Variants in GET1 observed in about 807,000 individuals in gnomAD.
GET1 encodes the protein guided entry of tail-anchored proteins factor 1.
A neutral mutation model predicts 22.6 loss-of-function variants in GET1; 20 were observed. The ratio of observed to expected loss-of-function variants is 0.89; its 90% CI spans 0.62 to 1.29. GET1 has a LOEUF of 1.29. Ranked by LOEUF, GET1 falls within the 50% of genes most tolerant of loss-of-function variation. GET1 has a pLI of 0.00. For synonymous variants in GET1, 92 were observed against 83.8 expected (o/e 1.10, Z -0.53); for missense variants, 209 against 219.9 (o/e 0.95, Z 0.31).
intron 1 of GET1, among the ~76,000 whole-genome samples, chr21:39,424,822 C>T (rs1161337790): frequency 1.3e-5 from 2 of 152,188 alleles, no homozygotes; most frequent in African/African-American, 4.8e-5. Flanking sequence ...AACAAAAAGT[C>T]TCTAAAAATT....
intron 1 of GET1, among the ~76,000 whole-genome samples, chr21:39,417,836 G>A (rs9975823): frequency 0.23 from 34,502 of 151,880 alleles, 3,991 homozygotes; most frequent in Non-Finnish European, 0.25. Context: ...CGTGATCTCC[G>A]CTCACTGCAA....
chr21:39,387,453 A>C (rs569022057), intron 1 of GET1, among the ~76,000 whole-genome samples: 19 of 152,222 alleles, frequency 1.2e-4, no homozygotes, highest in Non-Finnish European at 2.4e-4. Flanking sequence ...CTTTTGAAAG[A>C]TAATTTTGTG....
At chr21:39,427,522 C>T (rs1036044766) in intron 1 of GET1, among the ~76,000 whole-genome samples, 4 of 151,900 alleles carry the variant, frequency 2.6e-5, no homozygotes, top group Non-Finnish European at 5.9e-5. Context: ...ATTAGCCGGG[C>T]GTGGTGGTGG....
downstream of GET1, chr21:39,407,662 C>T (rs930222610): frequency 2.2e-4 from 33 of 152,338 alleles, no homozygotes; most frequent in African/African-American, 7.7e-4. Flanking sequence ...GATGTTCCCA[C>T]TACAGAATAT....
intron 1 of GET1, among the ~76,000 whole-genome samples, chr21:39,387,059 T>C (rs1275465103): frequency 2.0e-5 from 3 of 152,176 alleles, no homozygotes; most frequent in Non-Finnish European, 4.4e-5. Context: ...TGGGTCTTGC[T>C]ATGTTGCCCC....
downstream of GET1, chr21:39,409,904 T>A (rs2039793132): frequency 1.2e-6 from 1 of 856,538 alleles, no homozygotes; most frequent in Non-Finnish European, 1.8e-6. The surrounding 1 kb of genome is among the most constrained non-coding windows in gnomAD (Gnocchi z 4.2). Flanking sequence ...GTTTTATGTG[T>A]GCTTTATATA....
chr21:39,411,528 C>T (rs548350832), downstream of GET1, among the ~76,000 whole-genome samples: 15 of 152,224 alleles, frequency 9.9e-5, no homozygotes, highest in African/African-American at 2.6e-4. Context: ...GATGGGAGAA[C>T]GGGAAAGCAT....
intron 3 of GET1, 157 bp from the exon 4 acceptor site, chr21:39,393,009 G>T: frequency 1.7e-6 from 1 of 588,710 alleles, no homozygotes. Flanking sequence ...GTGGCTGTGC[G>T]TGCTCATCTG....
intron 4 of GET1, among the ~76,000 whole-genome samples, chr21:39,404,002 T>C (rs927278912): frequency 4.6e-5 from 7 of 152,146 alleles, no homozygotes; most frequent in African/African-American, 1.4e-4. Context: ...CCTGGCTCAC[T>C]GCAACCTCCT....
downstream of GET1, chr21:39,410,160 T>TA: frequency 7.7e-7 from 1 of 1,295,044 alleles, no homozygotes; most frequent in Non-Finnish European, 1.1e-6. Context: ...AATTGCATTT[T>TA]ATTCTAATGA....
chr21:39,395,404 G>A (rs565196477), intron 4 of GET1, among the ~76,000 whole-genome samples: 2 of 150,596 alleles, frequency 1.3e-5, no homozygotes, highest in Non-Finnish European at 3.0e-5. Context: ...TCACTCTGTC[G>A]CCCAGGCTGG....
intron 1 of GET1, chr21:39,414,220 G>A (rs1307808344): frequency 6.6e-6 from 1 of 152,312 alleles, no homozygotes; most frequent in Non-Finnish European, 1.5e-5. Context: ...GTTGGGTCAT[G>A]GTGTGGAATC....
At chr21:39,402,078 TC>T (rs2038854124), downstream of GET1, among the ~76,000 whole-genome samples, 1 of 152,050 alleles carries the variant, frequency 6.6e-6, no homozygotes, top group African/African-American at 2.4e-5. Flanking sequence ...TGCGTGTCTT[TC>T]GTGCTAGCTT....
chr21:39,419,516 C>A (rs1459015591), intron 1 of GET1, among the ~76,000 whole-genome samples: 11 of 107,648 alleles, frequency 1.0e-4, no homozygotes, highest in Non-Finnish European at 1.5e-4. Context: ...CAGAGCAAGA[C>A]CCTGTTCAAA....
chr21:39,420,719 T>A (rs1569092876), intron 1 of GET1: 13 of 1,611,780 alleles, frequency 8.1e-6, no homozygotes, highest in Non-Finnish European at 1.1e-5. Context: ...AAGTTTTTGT[T>A]GAAGGTGTTT....
At chr21:39,389,883 T>A (rs940650833) in intron 1 of GET1, among the ~76,000 whole-genome samples, 1 of 152,210 alleles carries the variant, frequency 6.6e-6, no homozygotes, top group Non-Finnish European at 1.5e-5. Context: ...AGGTTACATG[T>A]TCCCTGTCAC....
At chr21:39,428,311 T>TAA in exon 2 of GET1, 1 of 1,613,376 alleles carries the variant, frequency 6.2e-7, no homozygotes, top group Non-Finnish European at 8.5e-7. Context: ...ACTGAGAACT[T>TAA]AAACTTCCAC....
chr21:39,387,545 G>A (rs1033219542), intron 1 of GET1, among the ~76,000 whole-genome samples: 1 of 152,144 alleles, frequency 6.6e-6, no homozygotes, highest in African/African-American at 2.4e-5. Flanking sequence ...CGGTTATAGT[G>A]CTGGGTAGTG....
chr21:39,414,788 A>ATTT (rs2040846715), intron 1 of GET1, among the ~76,000 whole-genome samples: 1 of 110,594 alleles, frequency 9.0e-6, no homozygotes, highest in Non-Finnish European at 1.9e-5. Flanking sequence ...GTCTGTGCAT[A>ATTT]TTTTACTTTG....
Sources: gnomAD v4.1 joint callset for allele counts (sites outside exome capture counted in the v4.1 genomes callset) on GRCh38, gnomAD v4.1.1 for gene constraint, Gnocchi (gnomAD v3.1) non-coding constraint, MANE v1.5 for transcripts, NCBI Gene and HGNC (gene_info 2026-07-23, HGNC 2026-07-21) for gene names.